TULP4: variants seen among roughly 807,000 people sequenced by gnomAD.
TULP4 encodes tubby-related protein 4.
In TULP4, 16 loss-of-function variants were observed where a neutral mutation model predicts 129.0. The observed-to-expected ratio is 0.12, with a 90% CI of 0.08 to 0.19. The LOEUF (loss-of-function observed/expected upper bound fraction) is 0.19, where lower values mean the gene tolerates loss of function less well. Among genes scored for constraint, TULP4 ranks in the 10% least tolerant of loss-of-function variants. TULP4 has a pLI of 1.00. For missense variants in TULP4, 1,842 were observed against 2,059.1 expected, an observed-to-expected ratio of 0.89 and a Z score of 2.04; for synonymous variants, 998 against 854.0, an observed-to-expected ratio of 1.17 and a Z score of -2.94.
chr6:158,341,653 C>G (rs1001353146), intron 1 of TULP4, among the ~76,000 whole-genome samples: 15 of 152,044 alleles, frequency 9.9e-5, no homozygotes, highest in Admixed American at 9.8e-4. Flanking sequence ...TTGCATGTCT[C>G]TGATTAGTGA....
At chr6:158,482,150 T>C (rs190951697) in intron 8 of TULP4, among the ~76,000 whole-genome samples, 1 of 152,350 alleles carries the variant, frequency 6.6e-6, no homozygotes, top group East Asian at 1.9e-4. Context: ...CATTAGTTCA[T>C]GCTTCCTCTC....
chr6:158,429,810 G>A lies in TULP4; in HGVS notation c.456G>A (p.Gly152=). 1.2e-6 allele frequency: 2 copies of A among 1,614,138 alleles called. No individual in the cohort carries two copies. The highest frequency in any genetic ancestry group is 1.7e-5 in the Admixed American group (1 of 60,022). The change falls in exon 3 of 14, where the codon GGG becomes GGA. Residue 152 remains glycine (G), a synonymous_variant. Coordinates refer to ENST00000367097, the MANE Select transcript of TULP4 (RefSeq NM_020245.5). The part of the protein sequence containing the change: ...ISYRDGFVLV[G]SVSGQRHWSS... ...ATCGAGATGGGTTTGTCCTGGTTGGGTCTGTCAGTGGACAAAGACACTGGT... is the reference window on the plus strand; with the variant it reads ...ATCGAGATGGGTTTGTCCTGGTTGGATCTGTCAGTGGACAAAGACACTGGT...
chr6:158,327,579 A>G (rs567119755), intron 1 of TULP4, among the ~76,000 whole-genome samples: 1 of 152,158 alleles, frequency 6.6e-6, no homozygotes, highest in African/African-American at 2.4e-5. Flanking sequence ...CATTTCTAAC[A>G]TCTTGTTCTA....
At chr6:158,327,373 T>G (rs1199390236) in intron 1 of TULP4, among the ~76,000 whole-genome samples, 1 of 152,188 alleles carries the variant, frequency 6.6e-6, no homozygotes, top group Non-Finnish European at 1.5e-5. Context: ...GCTTTTTGGT[T>G]GTTGTTGCTT....
chr6:158,246,023 G>GGGGGGGTGTGT (rs113914160), intron 1 of TULP4, among the ~76,000 whole-genome samples: 2 of 145,822 alleles, frequency 1.4e-5, no homozygotes, highest in Admixed American at 6.9e-5. Context: ...ACCCCTTAGG[G>GGGGGGGTGTGT]GTGTGTGTGT....
At chr6:158,501,563 C>A in intron 12 of TULP4, 115 bp from the exon 13 acceptor site, 2 of 1,075,286 alleles carry the variant, frequency 1.9e-6, no homozygotes, top group Admixed American at 2.6e-5. Context: ...CTGTCTCTGG[C>A]AATTTGCATT....
chr6:158,365,667 T>A (rs1345569424), intron 1 of TULP4, among the ~76,000 whole-genome samples: 1 of 151,228 alleles, frequency 6.6e-6, no homozygotes, highest in Non-Finnish European at 1.5e-5. Context: ...GAGAGGGGGT[T>A]TCACCATGTT....
chr6:158,420,028 C>T (rs926166173), intron 2 of TULP4, among the ~76,000 whole-genome samples: 13 of 152,134 alleles, frequency 8.5e-5, no homozygotes, highest in African/African-American at 3.1e-4. Flanking sequence ...TGATCATATT[C>T]TAGGGCAGGA....
chr6:158,270,430 C>T (rs1379776240), intron 1 of TULP4, among the ~76,000 whole-genome samples: 4 of 152,030 alleles, frequency 2.6e-5, no homozygotes, highest in Non-Finnish European at 5.9e-5. Flanking sequence ...TTATTTTGCC[C>T]ATCTTCTCTC....
chr6:158,232,345 C>CG (rs1402414502), intron 1 of TULP4: 1 of 147,824 alleles, frequency 6.8e-6, no homozygotes, highest in African/African-American at 2.5e-5. Context: ...CGCAGTCCCG[C>CG]GGGAGGGGGC....
Position 158,323,607 on chromosome 6 carries a change from G to A in TULP4, c.252+9339G>A, listed in dbSNP as rs544670659. Among the ~76,000 whole-genome samples, 4 of 152,276 alleles carry A rather than the reference G, an allele frequency of 2.6e-5. No homozygotes were observed. In the South Asian group the frequency reaches 8.3e-4, roughly 32 times the overall value. On this transcript the variant is annotated intron_variant, in intron 1 of 13. Coordinates refer to ENST00000367097, the MANE Select transcript of TULP4 (RefSeq NM_020245.5). ...ATTACAGGAGGGCTGCCCCACTCCCGGAGGTGCATTGAATACAGAGAGGGC... is the reference window on the plus strand; with the variant it reads ...ATTACAGGAGGGCTGCCCCACTCCCAGAGGTGCATTGAATACAGAGAGGGC...
chr6:158,445,182 G>A (rs1779006992), intron 3 of TULP4, among the ~76,000 whole-genome samples: 1 of 152,146 alleles, frequency 6.6e-6, no homozygotes. Context: ...ACCCAGCGAG[G>A]CAGCCATTGA....
At chr6:158,254,796 GTGCCGT>G (rs1481446632) in intron 1 of TULP4, among the ~76,000 whole-genome samples, 2 of 152,252 alleles carry the variant, frequency 1.3e-5, no homozygotes, top group Non-Finnish European at 2.9e-5. Flanking sequence ...TTCCGGCCAG[GTGCCGT>G]GGCTCACGCT....
upstream of TULP4, among the ~76,000 whole-genome samples, chr6:158,280,635 C>T (rs1459587406): frequency 1.3e-5 from 2 of 152,224 alleles, no homozygotes; most frequent in African/African-American, 2.4e-5. Flanking sequence ...AGTCTGCAAG[C>T]CTAGCTTTCC....
chr6:158,335,031 G>A (rs540154025), intron 1 of TULP4, among the ~76,000 whole-genome samples: 4 of 152,092 alleles, frequency 2.6e-5, no homozygotes, highest in African/African-American at 9.7e-5. Flanking sequence ...TAGTCCCAGG[G>A]CTTTGGGAGG....
intron 1 of TULP4, among the ~76,000 whole-genome samples, chr6:158,355,816 A>G (rs1780634456): frequency 6.6e-6 from 1 of 152,252 alleles, no homozygotes. Flanking sequence ...TCTGTTAAAA[A>G]TTCAAGTTCA....
chr6:158,416,468 T>G (rs963895082), intron 2 of TULP4, among the ~76,000 whole-genome samples: 4 of 150,836 alleles, frequency 2.7e-5, no homozygotes, highest in Admixed American at 2.6e-4. Context: ...AAAAAAAAAT[T>G]AATAGAAAAA....
Position 158,313,905 on chromosome 6 carries a change from GA to G in TULP4, c.-106del. The G allele has an allele frequency of 4.6e-6, 6 of 1,302,498 alleles. No homozygotes were observed. The highest frequency in any genetic ancestry group is 4.9e-5 in the Admixed American group (2 of 40,506). The allele number at this position is 1,302,498 out of a possible 1,614,324, so 80.7% of individuals were successfully genotyped here. Reference sequence around the variant, plus strand: ...TTCAGGTCAGTCTTAATTAAAGGGGGAAAAAAGCAACGCAAGCCAACCACAA... The same window carrying G: ...TTCAGGTCAGTCTTAATTAAAGGGGGAAAAAGCAACGCAAGCCAACCACAA... On this transcript the variant is annotated 5_prime_UTR_variant, in exon 1 of 14. Coordinates refer to ENST00000367097, the MANE Select transcript of TULP4 (RefSeq NM_020245.5).
rs372119276 is a variant in TULP4 at position 158,443,557 on chromosome 6, T to A, written c.544-5439T>A. Reference sequence around the variant, plus strand: ...GAGAAGAATATTCTGGTAATAGGAATCATTTAACATTAAATTTGAGGCCTG... The same window carrying A: ...GAGAAGAATATTCTGGTAATAGGAAACATTTAACATTAAATTTGAGGCCTG... On this transcript the variant is annotated intron_variant, in intron 3 of 13. Coordinates refer to ENST00000367097, the MANE Select transcript of TULP4 (RefSeq NM_020245.5). Among the ~76,000 whole-genome samples the A allele has an allele frequency of 2.0e-5, 3 of 152,316 alleles. No individual in the cohort carries two copies. In the East Asian group the frequency reaches 5.8e-4, roughly 29 times the overall value.
Sources: gnomAD v4.1 joint callset for allele counts (sites outside exome capture counted in the v4.1 genomes callset) on GRCh38, gnomAD v4.1.1 for gene constraint, MANE v1.5 for transcripts, NCBI Gene and HGNC (gene_info 2026-07-23, HGNC 2026-07-21) for gene names.